NFATC3: variants seen among roughly 807,000 people sequenced by gnomAD.
NFATC3 encodes nuclear factor of activated T-cells, cytoplasmic 3.
NFATC3 carries 46 observed loss-of-function variants against 98.6 expected under a neutral mutation model. That is an observed-to-expected ratio of 0.47 (90% CI 0.37 to 0.60). NFATC3 has a LOEUF of 0.60. Among genes scored for constraint, NFATC3 ranks in the 20% least tolerant of loss-of-function variants. NFATC3 has a pLI of 0.00. For missense variants in NFATC3, 1,256 were observed against 1,295.5 expected (o/e 0.97, Z 0.47); for synonymous variants, 512 against 472.2 (o/e 1.08, Z -1.09).
At chr16:68,088,365 A>G (rs997307679) in intron 1 of NFATC3, among the ~76,000 whole-genome samples, 4 of 146,400 alleles carry the variant, frequency 2.7e-5, no homozygotes, top group African/African-American at 9.9e-5. Context: ...TAAAATACAT[A>G]TATATTTACA....
chr16:68,150,522 T>C (rs938580149), intron 3 of NFATC3, among the ~76,000 whole-genome samples: 1 of 151,684 alleles, frequency 6.6e-6, no homozygotes, highest in Non-Finnish European at 1.5e-5. Flanking sequence ...CTCAGGGTTG[T>C]GTTGAGCTAT....
At chr16:68,218,007 C>T (rs2151172613) in intron 9 of NFATC3, 2 of 1,172,154 alleles carry the variant, frequency 1.7e-6, no homozygotes, top group African/African-American at 3.2e-5. Context: ...TTTTCAGGAA[C>T]TTATTTCTGT....
chr16:68,086,778 G>A, intron 1 of NFATC3: 1 of 985,384 alleles, frequency 1.0e-6, no homozygotes, highest in Non-Finnish European at 1.2e-6. Flanking sequence ...CTGAACGTGA[G>A]GCATGAGGAT....
At chr16:68,191,979 C>T (rs1472903251) in intron 9 of NFATC3, 8 of 545,872 alleles carry the variant, frequency 1.5e-5, no homozygotes, top group East Asian at 3.4e-5. Flanking sequence ...AAGGCTGAGG[C>T]GGGTGGATCA....
At chr16:68,120,731 TCAAACAAA>T (rs57145448) in intron 1 of NFATC3, among the ~76,000 whole-genome samples, 2 of 151,064 alleles carry the variant, frequency 1.3e-5, no homozygotes, top group African/African-American at 4.9e-5. Flanking sequence ...AGACTCCATC[TCAAACAAA>T]CAAACAAACA....
chr16:68,168,467 T>G (rs2039315602), intron 5 of NFATC3, among the ~76,000 whole-genome samples: 1 of 141,582 alleles, frequency 7.1e-6, no homozygotes, highest in Admixed American at 7.0e-5. Context: ...CCAGCTTGTA[T>G]TCTTTTATTA....
At chr16:68,192,645 G>A (rs968603945) in intron 9 of NFATC3, among the ~76,000 whole-genome samples, 2 of 151,968 alleles carry the variant, frequency 1.3e-5, no homozygotes, top group Non-Finnish European at 2.9e-5. Context: ...GATCTCTTGA[G>A]CCCAGAACTT....
At chr16:68,098,291 A>ATTTTTTTTTT (rs2035130046) in intron 1 of NFATC3, among the ~76,000 whole-genome samples, 1 of 107,890 alleles carries the variant, frequency 9.3e-6, no homozygotes, top group African/African-American at 4.3e-5. Context: ...TATTATTATT[A>ATTTTTTTTTT]TTATTATTAT....
At chr16:68,113,235 A>G (rs2036078729) in intron 1 of NFATC3, among the ~76,000 whole-genome samples, 1 of 151,936 alleles carries the variant, frequency 6.6e-6, no homozygotes, top group Non-Finnish European at 1.5e-5. Context: ...TCTGCCTTTG[A>G]TCTTTGAGGC....
intron 1 of NFATC3, among the ~76,000 whole-genome samples, chr16:68,100,889 G>C (rs1264972072): frequency 1.4e-5 from 2 of 142,726 alleles, no homozygotes; most frequent in East Asian, 1.9e-4. Context: ...TGAGAGTTCT[G>C]TGTGTGTGTG....
At chr16:68,200,926 G>A (rs1487829892) in intron 9 of NFATC3, 1 of 152,044 alleles carries the variant, frequency 6.6e-6, no homozygotes, top group African/African-American at 2.4e-5. Flanking sequence ...AAACTGTCAA[G>A]CTGTTTTTCA....
intron 1 of NFATC3, among the ~76,000 whole-genome samples, chr16:68,120,819 G>A (rs972159093): frequency 6.6e-6 from 1 of 152,038 alleles, no homozygotes; most frequent in African/African-American, 2.4e-5. Flanking sequence ...ATATATACAG[G>A]TTGATAATGC....
intron 9 of NFATC3, among the ~76,000 whole-genome samples, chr16:68,194,381 C>T (rs533239672): frequency 4.1e-4 from 63 of 152,332 alleles, no homozygotes; most frequent in South Asian, 2.1e-3. Context: ...GTTTGGTGTA[C>T]TTGAGCACTC....
intron 1 of NFATC3, among the ~76,000 whole-genome samples, chr16:68,092,159 T>C (rs1023011230): frequency 6.6e-6 from 1 of 152,158 alleles, no homozygotes; most frequent in African/African-American, 2.4e-5. Flanking sequence ...TATTAGTTAA[T>C]ATTCATGTGT....
intron 9 of NFATC3, among the ~76,000 whole-genome samples, chr16:68,195,206 G>C (rs1447549702): frequency 6.6e-6 from 1 of 152,044 alleles, no homozygotes. Context: ...AGTGAGCTGA[G>C]ATCGCGCCAT....
At chr16:68,111,700 G>A (rs2035955300) in intron 1 of NFATC3, among the ~76,000 whole-genome samples, 1 of 152,134 alleles carries the variant, frequency 6.6e-6, no homozygotes, top group African/African-American at 2.4e-5. Flanking sequence ...ACGTGTTAAT[G>A]TAGTTGCTTC....
At chr16:68,158,784 G>A (rs1474165965) in intron 4 of NFATC3, among the ~76,000 whole-genome samples, 1 of 152,150 alleles carries the variant, frequency 6.6e-6, no homozygotes, top group Non-Finnish European at 1.5e-5. Flanking sequence ...AAGGAGAAAG[G>A]TGTGGAGGAA....
At chr16:68,137,513 G>A (rs2037486699) in intron 3 of NFATC3, among the ~76,000 whole-genome samples, 3 of 152,048 alleles carry the variant, frequency 2.0e-5, no homozygotes, top group African/African-American at 2.4e-5. Flanking sequence ...TTGGCAGAGA[G>A]GTCTTAAGCC....
intron 6 of NFATC3, among the ~76,000 whole-genome samples, chr16:68,180,512 A>T (rs967992666): frequency 7.2e-5 from 11 of 151,868 alleles, no homozygotes; most frequent in Non-Finnish European, 1.0e-4. Flanking sequence ...TATTTTTTTT[A>T]AATTATACTT....
Sources: allele counts gnomAD v4.1 joint callset (sites outside exome capture counted in the v4.1 genomes callset), GRCh38; gene constraint gnomAD v4.1.1; transcripts MANE v1.5; gene names NCBI Gene and HGNC (gene_info 2026-07-23, HGNC 2026-07-21).